The following PSKH1 variants were observed in gnomAD, a reference collection of about 807,000 sequenced individuals.
The protein encoded by PSKH1 is protein serine kinase H1.
PSKH1 carries 12 observed loss-of-function variants against 26.7 expected under a neutral mutation model. The observed-to-expected ratio is 0.45, with a 90% CI of 0.29 to 0.73. The LOEUF (loss-of-function observed/expected upper bound fraction) is 0.73. Among genes scored for constraint, PSKH1 ranks in the 30% least tolerant of loss-of-function variants. PSKH1 has a pLI of 0.11. For missense variants in PSKH1, 431 were observed against 595.2 expected (o/e 0.72, Z 2.87); for synonymous variants, 213 against 234.3 (o/e 0.91, Z 0.83).
At chr16:67,906,165 C>T (rs532428959) in intron 1 of PSKH1, among the ~76,000 whole-genome samples, 6 of 151,864 alleles carry the variant, frequency 4.0e-5, no homozygotes, top group Non-Finnish European at 5.9e-5. Flanking sequence ...CTCCGCCTCC[C>T]GGGTTCAAAC....
At chr16:67,918,712 C>T (rs35315684) in intron 2 of PSKH1, among the ~76,000 whole-genome samples, 1 of 151,886 alleles carries the variant, frequency 6.6e-6, no homozygotes, top group Non-Finnish European at 1.5e-5. Context: ...CTGCCTCAGC[C>T]TCCCAAGTAG....
intron 1 of PSKH1, among the ~76,000 whole-genome samples, chr16:67,899,266 T>C (rs1365741567): frequency 2.0e-5 from 3 of 152,156 alleles, no homozygotes; most frequent in East Asian, 1.9e-4. Flanking sequence ...ATCTTGCCTC[T>C]TCAACATTTC....
Position 67,929,216 on chromosome 16 carries a change from A to C in PSKH1, c.*1574A>C, listed in dbSNP as rs968166602. The C allele has an allele frequency of 1.3e-5, 2 of 152,544 alleles. No individual in the cohort carries two copies. Among genetic ancestry groups the C allele is most frequent in the Admixed American group, 6.5e-5 (1 of 15,282 alleles). The allele number at this position is 152,544 out of a possible 1,614,324, so 9.4% of individuals were successfully genotyped here. On this transcript the variant is annotated 3_prime_UTR_variant, in exon 3 of 3. Coordinates refer to ENST00000291041, the MANE Select transcript of PSKH1 (RefSeq NM_006742.3). Reference sequence around the variant, plus strand: ...TTGACGGCAGGGCCCCTGCCATTGCAGGAGGGTTTGGTTCCCACTCAGCTT... The same window carrying C: ...TTGACGGCAGGGCCCCTGCCATTGCCGGAGGGTTTGGTTCCCACTCAGCTT...
chr16:67,900,682 G>T (rs1350925462), intron 1 of PSKH1, among the ~76,000 whole-genome samples: 5 of 152,176 alleles, frequency 3.3e-5, no homozygotes, highest in South Asian at 2.1e-4. Context: ...TGTCAGTGAG[G>T]ACGATAATGC....
rs2058222927 is a variant in PSKH1 at position 67,927,952 on chromosome 16, C to CT, written c.*311dup. ...GGGAAGGGATAGGACCTGGCCTTCA[C>CT]TGTCTCCCTTGCCCTTTGACTTTTC... is the stretch of plus-strand genomic sequence containing the variant. On this transcript the variant is annotated 3_prime_UTR_variant, in exon 3 of 3. Coordinates refer to ENST00000291041, the MANE Select transcript of PSKH1 (RefSeq NM_006742.3). The surrounding 1 kb of genome is among the most constrained non-coding windows in gnomAD (Gnocchi z 5.5). 6 of 418,216 alleles carry CT rather than the reference C, an allele frequency of 1.4e-5. No individual in the cohort carries two copies. The highest frequency in any genetic ancestry group is 8.1e-5 in the Admixed American group (2 of 24,770). 25.9% of individuals were successfully genotyped at this position (418,216 alleles called of 1,614,324 possible). A position where few individuals can be genotyped will look rare whatever the true frequency, so the allele number is the denominator to read the frequency against.
intron 2 of PSKH1, among the ~76,000 whole-genome samples, chr16:67,923,895 A>C (rs925148673): frequency 4.6e-5 from 7 of 152,238 alleles, no homozygotes; most frequent in Non-Finnish European, 8.8e-5. Flanking sequence ...CAGGGGAAGC[A>C]GGTGGGTTGG....
chr16:67,927,602 GGGA>G lies in PSKH1; in HGVS notation c.1237_1239del (p.Glu413del). 6.2e-7 allele frequency: 1 copy of G among 1,611,214 alleles called. No individual in the cohort carries two copies. The stretch of plus-strand genomic sequence containing the variant: ...CGCCGTGTGCGGGAACGGGAGCTGC[GGGA>G]GCTCAACCTGCGCTACCAGCAGCAA... On this transcript the variant is annotated inframe_deletion, in exon 3 of 3. Coordinates refer to ENST00000291041, the MANE Select transcript of PSKH1 (RefSeq NM_006742.3). This position sits in a 1 kb window ranked among gnomAD's most constrained non-coding sequence, Gnocchi z 5.5.
chr16:67,923,759 C>T (rs1015537591), intron 2 of PSKH1, among the ~76,000 whole-genome samples: 1 of 152,228 alleles, frequency 6.6e-6, no homozygotes, highest in African/African-American at 2.4e-5. Flanking sequence ...GAGTTCAGTT[C>T]TTCACCTAGA....
intron 2 of PSKH1, among the ~76,000 whole-genome samples, chr16:67,921,792 G>A (rs920535079): frequency 6.6e-6 from 1 of 152,104 alleles, no homozygotes; most frequent in South Asian, 2.1e-4. Flanking sequence ...CGAGCAAATA[G>A]CATCCTTCTC....
intron 1 of PSKH1, among the ~76,000 whole-genome samples, chr16:67,893,775 C>T (rs1361741280): frequency 6.6e-6 from 1 of 152,248 alleles, no homozygotes; most frequent in Non-Finnish European, 1.5e-5. Flanking sequence ...CTGCCAGGGG[C>T]CGGCGGGGCA....
chr16:67,899,407 C>G (rs1482670780), intron 1 of PSKH1, among the ~76,000 whole-genome samples: 4 of 147,086 alleles, frequency 2.7e-5, no homozygotes, highest in African/African-American at 1.0e-4. Context: ...GCAATCTCGG[C>G]TCACTGCAAG....
rs558057775 is a variant in PSKH1, at chr16:67,903,901, G to A, written c.-70-4779G>A. ...GTCTTTCTCTGTCACCCAGGCTGGA[G>A]TGTAGTGGTGTGATTATCGCTCACT... On this transcript the variant is annotated intron_variant, in intron 1 of 2. Transcript: ENST00000291041. Among the ~76,000 whole-genome samples the A allele has an allele frequency of 2.7e-5, 4 of 149,078 alleles. No homozygotes were observed. The South Asian group carries it at 8.5e-4, about 32-fold the overall frequency.
chr16:67,904,694 C>T (rs1403339714), intron 1 of PSKH1, among the ~76,000 whole-genome samples: 1 of 151,996 alleles, frequency 6.6e-6, no homozygotes, highest in African/African-American at 2.4e-5. Flanking sequence ...GTTGTCCAGG[C>T]TAGTCTCAAA....
At chr16:67,916,808 C>A (rs2058189143) in intron 2 of PSKH1, among the ~76,000 whole-genome samples, 1 of 152,118 alleles carries the variant, frequency 6.6e-6, no homozygotes, top group Non-Finnish European at 1.5e-5. Flanking sequence ...GGAGCAGAGT[C>A]CTAGCTCTGC....
chr16:67,914,617 G>A (rs2058181941), intron 2 of PSKH1, among the ~76,000 whole-genome samples: 2 of 151,954 alleles, frequency 1.3e-5, no homozygotes, highest in African/African-American at 4.8e-5. Flanking sequence ...ACCATGCCCG[G>A]CTAATTTTTG....
intron 2 of PSKH1, among the ~76,000 whole-genome samples, chr16:67,918,202 C>T (rs926426069): frequency 2.0e-5 from 3 of 152,138 alleles, no homozygotes; most frequent in Non-Finnish European, 4.4e-5. Flanking sequence ...GAGTTCTATT[C>T]CTAGAGGCAG....
intron 1 of PSKH1, among the ~76,000 whole-genome samples, chr16:67,904,858 G>A (rs542912371): frequency 1.5e-5 from 2 of 130,310 alleles, no homozygotes; most frequent in Admixed American, 1.8e-4. Flanking sequence ...ACAAAGTCTC[G>A]CTCTGTCGCC....
Position 67,927,644 on chromosome 16 carries a change from C to A in PSKH1, c.*2C>A. 1 of 1,598,206 alleles carries A rather than the reference C, an allele frequency of 6.3e-7. No individual in the cohort carries two copies. Among genetic ancestry groups the A allele is most frequent in the Non-Finnish European group, 8.5e-7 (1 of 1,176,392 alleles). Reference sequence around the variant, plus strand: ...TACCAGCAGCAATACAATGGCTGAGCCGCCTGGCTGTGCACACATGCAGCA... The same window carrying A: ...TACCAGCAGCAATACAATGGCTGAGACGCCTGGCTGTGCACACATGCAGCA... On this transcript the variant is annotated 3_prime_UTR_variant, in exon 3 of 3. Coordinates refer to ENST00000291041, the MANE Select transcript of PSKH1 (RefSeq NM_006742.3). The surrounding 1 kb of genome is among the most constrained non-coding windows in gnomAD (Gnocchi z 5.5).
At chr16:67,923,627 C>T (rs942544910) in intron 2 of PSKH1, among the ~76,000 whole-genome samples, 3 of 152,364 alleles carry the variant, frequency 2.0e-5, no homozygotes, top group Admixed American at 1.3e-4. Context: ...TGCTCCACGT[C>T]GGCCCAGAAG....
Sources: allele counts gnomAD v4.1 joint callset (sites outside exome capture counted in the v4.1 genomes callset), GRCh38; gene constraint gnomAD v4.1.1; non-coding constraint Gnocchi (gnomAD v3.1); transcripts MANE v1.5; gene names NCBI Gene and HGNC (gene_info 2026-07-23, HGNC 2026-07-21).